The following AIG1 variants were observed in gnomAD, a reference collection of about 807,000 sequenced individuals.
AIG1 encodes the protein androgen induced 1.
Under a neutral mutation model 31.4 loss-of-function variants are expected in AIG1, and 23 were observed. The ratio of observed to expected loss-of-function variants is 0.73; its 90% CI spans 0.53 to 1.04. The LOEUF (loss-of-function observed/expected upper bound fraction) is 1.04, where lower values mean the gene tolerates loss of function less well. Among genes scored for constraint, AIG1 ranks in the 50% least tolerant of loss-of-function variants. The pLI is 0.00. For synonymous variants in AIG1, 100 were observed against 110.5 expected, an observed-to-expected ratio of 0.90 and a Z score of 0.60; for missense variants, 274 against 295.0, an observed-to-expected ratio of 0.93 and a Z score of 0.52.
chr6:143,210,912 A>G (rs1791536366), intron 3 of AIG1, among the ~76,000 whole-genome samples: 1 of 152,194 alleles, frequency 6.6e-6, no homozygotes, highest in South Asian at 2.1e-4. Context: ...AAAGTCTTAA[A>G]TTTTTTGAAC....
intron 1 of AIG1, among the ~76,000 whole-genome samples, chr6:143,084,344 A>C (rs1778569705): frequency 6.6e-6 from 1 of 152,100 alleles, no homozygotes; most frequent in Admixed American, 6.5e-5. Flanking sequence ...CTATTCGGAC[A>C]ATCTTTTTTA....
At position 143,306,127 on chromosome 6, in the gene AIG1, G is replaced by A. The variant is rs573245593; in HGVS notation, c.515+21902G>A. ...TTTGAGCCTATGTGTGTCTCTGCAC[G>A]TGAGATGGGTTTCCTGAATACAGCA... On this transcript the variant is annotated intron_variant, in intron 4 of 5. Coordinates refer to ENST00000357847, the MANE Select transcript of AIG1 (RefSeq NM_016108.4). Among the ~76,000 whole-genome samples the A allele has an allele frequency of 4.1e-3, 613 of 150,762 alleles. 2 individuals are homozygous for A. Among genetic ancestry groups the A allele is most frequent in the African/African-American group, 0.014 (554 of 40,854 alleles).
At chr6:143,228,729 G>T (rs1043373464) in intron 3 of AIG1, among the ~76,000 whole-genome samples, 1 of 152,198 alleles carries the variant, frequency 6.6e-6, no homozygotes, top group African/African-American at 2.4e-5. Context: ...TGATGAATTG[G>T]CCCCAAGATG....
intron 4 of AIG1, among the ~76,000 whole-genome samples, chr6:143,286,224 C>T (rs1344898641): frequency 6.6e-6 from 1 of 152,060 alleles, no homozygotes; most frequent in Non-Finnish European, 1.5e-5. Context: ...TAGAATCAGT[C>T]CACGTTCCAA....
chr6:143,292,980 A>T lies in AIG1; in HGVS notation c.515+8755A>T, dbSNP rs1032200106. ...CTTTGAAGTTAGATGCTCCTTGTTT[A>T]GTTCCCGTCTTCCTCGGGTCTTTGA... is the stretch of plus-strand genomic sequence containing the variant. On this transcript the variant is annotated intron_variant, in intron 4 of 5. Coordinates refer to ENST00000357847, the MANE Select transcript of AIG1 (RefSeq NM_016108.4). This position sits in a 1 kb window ranked among gnomAD's most constrained non-coding sequence, Gnocchi z 4.9. Among the ~76,000 whole-genome samples, 1 of 152,188 alleles carries T rather than the reference A, an allele frequency of 6.6e-6. No homozygotes were observed. The highest frequency in any genetic ancestry group is 1.5e-5 in the Non-Finnish European group (1 of 68,034).
chr6:143,189,418 T>A (rs1789584605), intron 3 of AIG1: 1 of 980,580 alleles, frequency 1.0e-6, no homozygotes, highest in Non-Finnish European at 1.2e-6. Flanking sequence ...ATTTTAAGAA[T>A]AGTAAAGTAT....
intron 4 of AIG1, among the ~76,000 whole-genome samples, chr6:143,295,779 T>C (rs1406864063): frequency 6.6e-6 from 1 of 152,202 alleles, no homozygotes; most frequent in African/African-American, 2.4e-5. Flanking sequence ...TGAAGTTTTG[T>C]GGTTATTTGA....
intron 3 of AIG1, chr6:143,189,816 GA>G: frequency 1.0e-6 from 1 of 978,454 alleles, no homozygotes. Context: ...AAATAAAAAA[GA>G]GATATATCTT....
chr6:143,143,500 C>CAAAAA (rs60620136), intron 2 of AIG1, among the ~76,000 whole-genome samples: 2 of 27,482 alleles, frequency 7.3e-5, no homozygotes, highest in African/African-American at 2.7e-4. Context: ...GACTTCATCT[C>CAAAAA]AAAAAAAAAA....
chr6:143,149,186 T>C (rs9484707), intron 2 of AIG1, among the ~76,000 whole-genome samples: 1,910 of 152,218 alleles, frequency 0.013, 40 homozygotes, highest in African/African-American at 0.042. Context: ...TCTATGTACA[T>C]GAGGCCTGAG....
rs9399422 is a variant in AIG1, at chr6:143,134,893, A to G, written c.142-1942A>G. 3.0e-3 allele frequency among the ~76,000 whole-genome samples: 451 copies of G among 152,232 alleles called. 14 individuals are homozygous for G. In the East Asian group the frequency reaches 0.054, roughly 18 times the overall value. On this transcript the variant is annotated intron_variant, in intron 1 of 5. Transcript: ENST00000357847. ...AGGCTAATGTGTGTGTTCTGAGCAC[A>G]TTTTAGATAGGCTAAGCTAAGCTAT...
chr6:143,060,052 A>AT (rs932034182), upstream of AIG1, among the ~76,000 whole-genome samples: 7 of 152,216 alleles, frequency 4.6e-5, no homozygotes, highest in Non-Finnish European at 7.3e-5. Flanking sequence ...CAAAATTGGA[A>AT]TTTTTTAAAG....
intron 2 of AIG1, among the ~76,000 whole-genome samples, chr6:143,163,524 G>A (rs971297610): frequency 6.6e-6 from 1 of 151,876 alleles, no homozygotes; most frequent in Non-Finnish European, 1.5e-5. Flanking sequence ...TCATTTTCAC[G>A]GACCTCAGGA....
chr6:143,297,495 TGGTTGG>T lies in AIG1; in HGVS notation c.515+13271_515+13276del, dbSNP rs1343131839. Among the ~76,000 whole-genome samples, 2 of 47,078 alleles carry T rather than the reference TGGTTGG, an allele frequency of 4.2e-5. No homozygotes were observed. The highest frequency in any genetic ancestry group is 4.9e-4 in the Admixed American group (2 of 4,074). The allele number at this position is 47,078 out of a possible 152,430, so 30.9% of individuals were successfully genotyped here. On this transcript the variant is annotated intron_variant, in intron 4 of 5. Coordinates refer to ENST00000357847, the MANE Select transcript of AIG1 (RefSeq NM_016108.4). The surrounding 1 kb of genome is among the most constrained non-coding windows in gnomAD (Gnocchi z 5.1). ...TTGGTTGGTTGGATGGTTTCTTGGG[TGGTTGG>T]ATGGATGGTTGGGTGGTTGGATGGA...
intron 3 of AIG1, among the ~76,000 whole-genome samples, chr6:143,196,341 AACAAAAGCAACACAC>A (rs1018339648): frequency 7.4e-6 from 1 of 135,702 alleles, no homozygotes; most frequent in African/African-American, 2.8e-5. Flanking sequence ...CATCAAAAGC[AACAAAAGCAACACAC>A]ACACACACAC....
chr6:143,147,198 A>T (rs761292395), intron 2 of AIG1, among the ~76,000 whole-genome samples: 14 of 152,216 alleles, frequency 9.2e-5, no homozygotes, highest in Non-Finnish European at 1.8e-4. Context: ...TTGCCACGTG[A>T]GGAAATTGAA....
In AIG1 at chr6:143,299,530, T is replaced by C. The variant is rs1171288926; in HGVS notation, c.515+15305T>C. The C allele has an allele frequency of 6.6e-6, 1 of 152,146 alleles. No homozygotes were observed. Among genetic ancestry groups the C allele is most frequent in the East Asian group, 1.9e-4 (1 of 5,196 alleles). 9.4% of individuals were successfully genotyped at this position (152,146 alleles called of 1,614,324 possible). A position where few individuals can be genotyped will look rare whatever the true frequency, so the allele number is the denominator to read the frequency against. ...ACAGGTGTCATCAATTGATGGACAT[T>C]TGGTTTGTTTCTTTTTGGCTAAAGA... On this transcript the variant is annotated intron_variant, in intron 4 of 5. Coordinates refer to ENST00000357847, the MANE Select transcript of AIG1 (RefSeq NM_016108.4). This position sits in a 1 kb window ranked among gnomAD's most constrained non-coding sequence, Gnocchi z 4.1.
At chr6:143,343,307 G>A (rs1777891665), downstream of AIG1, 1 of 617,116 alleles carries the variant, frequency 1.6e-6, no homozygotes. Context: ...TGATTTGGAA[G>A]AACAGGGAGC....
chr6:143,269,867 G>A (rs747107183), intron 3 of AIG1, among the ~76,000 whole-genome samples: 2 of 152,206 alleles, frequency 1.3e-5, no homozygotes, highest in Non-Finnish European at 2.9e-5. Flanking sequence ...GAAGGCTTTC[G>A]AAGCTGTTTT....
Sources: gnomAD v4.1 joint callset for allele counts (sites outside exome capture counted in the v4.1 genomes callset) on GRCh38, gnomAD v4.1.1 for gene constraint, Gnocchi (gnomAD v3.1) non-coding constraint, MANE v1.5 for transcripts, NCBI Gene and HGNC (gene_info 2026-07-23, HGNC 2026-07-21) for gene names.